NAV3: variants seen among roughly 807,000 people sequenced by gnomAD.
The protein encoded by NAV3 is neuron navigator 3.
Under a neutral mutation model 244.7 loss-of-function variants are expected in NAV3, and 87 were observed. The ratio of observed to expected loss-of-function variants is 0.36; its 90% CI spans 0.30 to 0.42. The LOEUF (loss-of-function observed/expected upper bound fraction) is 0.42. Ranked by LOEUF, NAV3 falls within the 20% of genes least tolerant of loss-of-function variation. The probability of loss-of-function intolerance (pLI) is 1.00; values close to 1 mark genes in which losing one functional copy is unlikely to be tolerated. For missense variants in NAV3, 2,663 were observed against 2,893.3 expected, an observed-to-expected ratio of 0.92 and a Z score of 1.83; for synonymous variants, 1,126 against 1,042.2, an observed-to-expected ratio of 1.08 and a Z score of -1.55.
At position 78,205,093 on chromosome 12, in the gene NAV3, A is replaced by G; in HGVS notation, c.6993A>G (p.Thr2331=). The change falls in exon 39 of 40, where the codon ACA becomes ACG. Residue 2331 remains threonine, a synonymous_variant. Coordinates refer to ENST00000397909, the MANE Select transcript of NAV3 (RefSeq NM_001024383.2). ...GCTGCACATCCACTAAGGAAGCCAC[A>G]ACCTCAAAGCACATTCCGCAAACTG... is the stretch of plus-strand genomic sequence containing the variant. ...YESCTSTKEA[T]TSKHIPQTDT... is the part of the protein sequence containing the mutation. 1 of 1,613,530 alleles carries G rather than the reference A, an allele frequency of 6.2e-7. No homozygotes were observed. The highest frequency in any genetic ancestry group is 8.5e-7 in the Non-Finnish European group (1 of 1,179,718).
At chr12:77,865,732 C>G (rs151142060) in intron 1 of NAV3, among the ~76,000 whole-genome samples, 4 of 152,034 alleles carry the variant, frequency 2.6e-5, no homozygotes, top group East Asian at 1.9e-4. Context: ...GCTTCTCTCT[C>G]TCTCTCTACA....
chr12:77,657,886 G>A (rs1324552049), intron 2 of NAV3, among the ~76,000 whole-genome samples: 2 of 152,076 alleles, frequency 1.3e-5, no homozygotes, highest in Admixed American at 6.6e-5. Flanking sequence ...ATGCAGAAAA[G>A]GCCTTTGACA....
chr12:77,958,242 C>A (rs1341239527), intron 3 of NAV3, among the ~76,000 whole-genome samples: 1 of 152,052 alleles, frequency 6.6e-6, no homozygotes. Context: ...AATTTCTGTT[C>A]CATTTTTCAT....
intron 1 of NAV3, among the ~76,000 whole-genome samples, chr12:77,918,855 T>C (rs755084411): frequency 1.3e-5 from 2 of 152,024 alleles, no homozygotes; most frequent in Non-Finnish European, 2.9e-5. Context: ...TAAGGTTACA[T>C]TGGGCAAAGC....
At chr12:77,866,466 A>T (rs1161454069) in intron 1 of NAV3, among the ~76,000 whole-genome samples, 1 of 152,234 alleles carries the variant, frequency 6.6e-6, no homozygotes, top group Non-Finnish European at 1.5e-5. Flanking sequence ...GATTTGAATC[A>T]GAAGACTCAC....
chr12:77,912,723 C>T (rs1920426), intron 1 of NAV3, among the ~76,000 whole-genome samples: 54,693 of 151,782 alleles, frequency 0.36, 10,382 homozygotes, highest in African/African-American at 0.47. Flanking sequence ...TTCTGCCTCC[C>T]GGGTTCAAGC....
At chr12:78,065,338 C>G (rs1884885143) in intron 12 of NAV3, among the ~76,000 whole-genome samples, 1 of 152,108 alleles carries the variant, frequency 6.6e-6, no homozygotes. Context: ...CTGCCTGAGG[C>G]CGATTATGAC....
intron 3 of NAV3, among the ~76,000 whole-genome samples, chr12:77,958,112 C>T (rs1369340964): frequency 1.3e-5 from 2 of 152,176 alleles, no homozygotes; most frequent in African/African-American, 4.8e-5. Context: ...TCTTCCTCTT[C>T]TCATCTGAAA....
At chr12:77,673,627 C>A (rs1229694081) in intron 2 of NAV3, among the ~76,000 whole-genome samples, 1 of 152,056 alleles carries the variant, frequency 6.6e-6, no homozygotes, top group East Asian at 1.9e-4. Context: ...AAGCAAATAC[C>A]TATTCCTGAA....
At chr12:77,723,559 A>G (rs1489976981) in intron 2 of NAV3, among the ~76,000 whole-genome samples, 1 of 151,870 alleles carries the variant, frequency 6.6e-6, no homozygotes, top group African/African-American at 2.4e-5. Context: ...TCAAGTTATG[A>G]CATGCTGTGA....
chr12:78,121,277 C>T (rs1955655312), intron 15 of NAV3, among the ~76,000 whole-genome samples: 1 of 152,152 alleles, frequency 6.6e-6, no homozygotes, highest in Non-Finnish European at 1.5e-5. Context: ...CTAACAGCAC[C>T]AGCTCTGTTT....
intron 4 of NAV3, among the ~76,000 whole-genome samples, chr12:77,968,208 G>A (rs921698045): frequency 2.6e-5 from 4 of 152,210 alleles, no homozygotes; most frequent in African/African-American, 7.2e-5. Flanking sequence ...GCACAAGAGA[G>A]AGCTCATTTA....
intron 2 of NAV3, among the ~76,000 whole-genome samples, chr12:77,706,870 C>CAAAAAAAAAAAAAAAAAAAAAACCCAA (rs1875833389): frequency 1.5e-5 from 1 of 68,036 alleles, no homozygotes; most frequent in Non-Finnish European, 2.4e-5. Context: ...GACTCTGTTT[C>CAAAAAAAAAAAAAAAAAAAAAACCCAA]AAAAAAAAAA....
chr12:77,981,700 G>GA (rs920655751), intron 5 of NAV3, among the ~76,000 whole-genome samples: 1 of 151,950 alleles, frequency 6.6e-6, no homozygotes, highest in East Asian at 1.9e-4. Flanking sequence ...TATTATAGAA[G>GA]AAAAAATTGG....
chr12:77,937,057 G>T (rs1889392288), intron 1 of NAV3, among the ~76,000 whole-genome samples: 1 of 152,204 alleles, frequency 6.6e-6, no homozygotes, highest in South Asian at 2.1e-4. Context: ...TCCCTCTCTT[G>T]TCATTTCCTT....
intron 1 of NAV3, among the ~76,000 whole-genome samples, chr12:77,906,769 T>C (rs1280980330): frequency 1.3e-5 from 2 of 152,112 alleles, no homozygotes; most frequent in Non-Finnish European, 2.9e-5. Flanking sequence ...ATATAAGAGT[T>C]TGGATGAATG....
intron 12 of NAV3, among the ~76,000 whole-genome samples, chr12:78,097,334 G>A (rs1339765916): frequency 6.6e-6 from 1 of 152,132 alleles, no homozygotes; most frequent in Admixed American, 6.5e-5. Flanking sequence ...ACAGCAGTTG[G>A]CTGTTTGTGC....
chr12:77,784,183 G>T (rs1210897864), intron 2 of NAV3, among the ~76,000 whole-genome samples: 1 of 152,156 alleles, frequency 6.6e-6, no homozygotes, highest in Non-Finnish European at 1.5e-5. Context: ...ATGTGATCAT[G>T]CTATAGAGGA....
chr12:77,714,494 A>G (rs1876272374), intron 2 of NAV3, among the ~76,000 whole-genome samples: 1 of 152,142 alleles, frequency 6.6e-6, no homozygotes, highest in Admixed American at 6.6e-5. Context: ...AATTGAAGGT[A>G]CAGCCTTGCT....
Sources: gnomAD v4.1 joint callset for allele counts (sites outside exome capture counted in the v4.1 genomes callset) on GRCh38, gnomAD v4.1.1 for gene constraint, MANE v1.5 for transcripts, NCBI Gene and HGNC (gene_info 2026-07-23, HGNC 2026-07-21) for gene names.